BAG4: variants seen among roughly 807,000 people sequenced by gnomAD.
The protein encoded by BAG4 is BAG cochaperone 4, also known as BAG family molecular chaperone regulator 4.
In BAG4, 28 loss-of-function variants were observed where a neutral mutation model predicts 52.1. The observed-to-expected ratio is 0.54, with a 90% CI of 0.40 to 0.74. The LOEUF (loss-of-function observed/expected upper bound fraction) is 0.74. BAG4 is among the 30% of genes least tolerant of loss of function. BAG4 has a pLI of 0.00. For synonymous variants in BAG4, 208 were observed against 217.0 expected (o/e 0.96, Z 0.37); for missense variants, 525 against 572.0 (o/e 0.92, Z 0.84).
At chr8:38,183,490 A>G (rs1438920995) in intron 1 of BAG4, among the ~76,000 whole-genome samples, 1 of 152,096 alleles carries the variant, frequency 6.6e-6, no homozygotes, top group Admixed American at 6.6e-5. Context: ...GTTTCCCTGT[A>G]TTCTTCTATT....
intron 2 of BAG4, among the ~76,000 whole-genome samples, chr8:38,207,080 G>A (rs1563285396): frequency 6.6e-6 from 1 of 151,688 alleles, no homozygotes; most frequent in Non-Finnish European, 1.5e-5. Context: ...AGCCCCCCGA[G>A]TAGCTGGGAT....
rs1254039818 is a variant in BAG4, at chr8:38,207,684, C to T, written c.551C>T (p.Ser184Phe). ...TCTGGCAACAGCCCAACTCCAGTCTCTCGTTGGATCTATCCCCAGCAGGAC... is the reference window on the plus strand; with the variant it reads ...TCTGGCAACAGCCCAACTCCAGTCTTTCGTTGGATCTATCCCCAGCAGGAC... ...RSSGNSPTPV[S>F]RWIYPQQDCQ... Residue 184 changes from serine to phenylalanine, a missense_variant, in exon 3 of 5, where the codon TCT becomes TTT. Around this residue, in one of 2 missense-constraint regions of BAG4, gnomAD observed 287 missense variants for 266.1 expected, o/e 1.08. Transcript: ENST00000287322. 12 of 1,613,980 alleles carry T rather than the reference C, an allele frequency of 7.4e-6. No homozygotes were observed. Among genetic ancestry groups the T allele is most frequent in the African/African-American group, 1.3e-5 (1 of 74,922 alleles).
At chr8:38,200,510 G>T (rs1803643620) in intron 2 of BAG4, among the ~76,000 whole-genome samples, 1 of 151,908 alleles carries the variant, frequency 6.6e-6, no homozygotes, top group Non-Finnish European at 1.5e-5. Flanking sequence ...CTTCCATATG[G>T]TTTCGGCTAT....
chr8:38,185,545 T>G (rs1255775458), intron 1 of BAG4, among the ~76,000 whole-genome samples: 1 of 152,162 alleles, frequency 6.6e-6, no homozygotes, highest in African/African-American at 2.4e-5. Context: ...TCCTAGGGAA[T>G]ATAGCAAATG....
intron 1 of BAG4, among the ~76,000 whole-genome samples, chr8:38,190,104 T>C (rs532468390): frequency 5.4e-4 from 82 of 152,162 alleles, no homozygotes; most frequent in Non-Finnish European, 8.4e-4. Flanking sequence ...TTTTTACTTA[T>C]GTGAGTTTGT....
intron 4 of BAG4, chr8:38,209,623 C>A: frequency 2.7e-6 from 1 of 365,650 alleles, no homozygotes; most frequent in Non-Finnish European, 4.9e-6. Flanking sequence ...TGTATTTAAA[C>A]CACAGACTTG....
At chr8:38,190,600 AT>A (rs540081789) in intron 1 of BAG4, among the ~76,000 whole-genome samples, 442 of 131,154 alleles carry the variant, frequency 3.4e-3, no homozygotes, top group Middle Eastern at 3.9e-3. Context: ...CCCACCTGAC[AT>A]TTTTTTTTTT....
intron 2 of BAG4, among the ~76,000 whole-genome samples, chr8:38,193,252 C>T (rs1803505331): frequency 6.6e-6 from 1 of 151,832 alleles, no homozygotes; most frequent in Non-Finnish European, 1.5e-5. Context: ...AACTCCATCT[C>T]TACTAAAAAT....
At chr8:38,192,905 T>C (rs763109873) in intron 2 of BAG4, 110 bp downstream of exon 2, 8 of 702,494 alleles carry the variant, frequency 1.1e-5, no homozygotes, top group Non-Finnish European at 1.8e-5. Context: ...TTTTCTTTGC[T>C]TTAATGGGCT....
intron 1 of BAG4, among the ~76,000 whole-genome samples, chr8:38,187,782 G>T (rs1274237909): frequency 6.6e-6 from 1 of 151,568 alleles, no homozygotes; most frequent in African/African-American, 2.4e-5. Flanking sequence ...CAGCAATTTG[G>T]GAGGCCAAGG....
intron 1 of BAG4, among the ~76,000 whole-genome samples, chr8:38,182,768 C>T (rs1428777840): frequency 6.6e-6 from 1 of 151,790 alleles, no homozygotes; most frequent in Non-Finnish European, 1.5e-5. Flanking sequence ...TTCACTGTTA[C>T]TAGGGATATT....
At position 38,198,067 on chromosome 8, in the gene BAG4, A is replaced by G. The variant is rs151149163; in HGVS notation, c.378+5272A>G. On this transcript the variant is annotated intron_variant, in intron 2 of 4. Transcript: ENST00000287322. ...ATAGTAATACTTAGCTTAAAATACA[A>G]ACATACTGTACAGCTGTACAAAAAT... Among the ~76,000 whole-genome samples the G allele has an allele frequency of 8.2e-3, 1,250 of 152,158 alleles. 18 individuals are homozygous for G. Among genetic ancestry groups the G allele is most frequent in the African/African-American group, 0.029 (1,213 of 41,498 alleles).
intron 3 of BAG4, 117 bp downstream of exon 3, chr8:38,207,883 G>A: frequency 1.6e-6 from 2 of 1,275,744 alleles, no homozygotes; most frequent in East Asian, 2.5e-5. Flanking sequence ...GATTGGGAAG[G>A]CTTTTATATT....
chr8:38,192,232 G>A (rs1473269683), intron 1 of BAG4, among the ~76,000 whole-genome samples: 2 of 152,192 alleles, frequency 1.3e-5, no homozygotes, highest in Non-Finnish European at 2.9e-5. Flanking sequence ...ATTAGTTATT[G>A]GAGAAGGATA....
At chr8:38,204,662 AAAAC>A (rs1362283410) in intron 2 of BAG4, among the ~76,000 whole-genome samples, 1 of 152,060 alleles carries the variant, frequency 6.6e-6, no homozygotes, top group Non-Finnish European at 1.5e-5. Context: ...AAAAAAAACA[AAAAC>A]AACGCCTGTG....
At chr8:38,209,924 G>A in intron 4 of BAG4, 84 bp from the exon 5 acceptor site, 1 of 1,512,018 alleles carries the variant, frequency 6.6e-7, no homozygotes, top group Non-Finnish European at 8.9e-7. Flanking sequence ...TTCTGGTCAA[G>A]TGAAAGATGT....
rs1803855679 is a variant in BAG4 at position 38,210,792 on chromosome 8, A to G, written c.*299A>G. On this transcript the variant is annotated 3_prime_UTR_variant, in exon 5 of 5. Coordinates refer to ENST00000287322, the MANE Select transcript of BAG4 (RefSeq NM_004874.4). ...AAGCTGCTTCTTACCAGCAGGAGGG[A>G]AACACACTTCACACAACAGGCTTAT... 1 of 234,286 alleles carries G rather than the reference A, an allele frequency of 4.3e-6. No individual in the cohort carries two copies. The highest frequency in any genetic ancestry group is 2.3e-5 in the African/African-American group (1 of 43,388). The allele number at this position is 234,286 out of a possible 1,614,324, so 14.5% of individuals were successfully genotyped here.
rs537586899 is a variant in BAG4, at chr8:38,192,630, A to G, written c.271-58A>G. On this transcript the variant is annotated intron_variant, in intron 1 of 4. Coordinates refer to ENST00000287322, the MANE Select transcript of BAG4 (RefSeq NM_004874.4). ...CCTTATAACCTGCCTCTATCAATCTATCTTAAAATGATGTATGAATGTTAT... is the reference window on the plus strand; with the variant it reads ...CCTTATAACCTGCCTCTATCAATCTGTCTTAAAATGATGTATGAATGTTAT... 1.5e-5 allele frequency: 20 copies of G among 1,362,504 alleles called. 1 individual carries two copies. Among genetic ancestry groups the G allele is most frequent in the Middle Eastern group, 1.9e-4 (1 of 5,318 alleles). 84.4% of individuals were successfully genotyped at this position (1,362,504 alleles called of 1,614,324 possible).
intron 2 of BAG4, among the ~76,000 whole-genome samples, chr8:38,199,477 A>T (rs1465009833): frequency 6.6e-6 from 1 of 151,448 alleles, no homozygotes; most frequent in African/African-American, 2.4e-5. Context: ...TGTCTTATCC[A>T]AGAAGACTTT....
Sources: gnomAD v4.1 joint callset for allele counts (sites outside exome capture counted in the v4.1 genomes callset) on GRCh38, gnomAD v4.1.1 for gene constraint, gnomAD v4.1.1 regional missense constraint, MANE v1.5 for transcripts, NCBI Gene and HGNC (gene_info 2026-07-23, HGNC 2026-07-21) for gene names.